Variants in PTPRD observed in about 807,000 individuals in gnomAD.
The protein encoded by PTPRD is protein tyrosine phosphatase receptor type D.
A neutral mutation model predicts 214.5 loss-of-function variants in PTPRD; 34 were observed. That is an observed-to-expected ratio of 0.16 (90% CI 0.12 to 0.21). The LOEUF (loss-of-function observed/expected upper bound fraction) is 0.21, where lower values mean the gene tolerates loss of function less well. Ranked by LOEUF, PTPRD falls within the 10% of genes least tolerant of loss-of-function variation. The probability of loss-of-function intolerance (pLI) is 1.00; values close to 1 mark genes in which losing one functional copy is unlikely to be tolerated. For synonymous variants in PTPRD, 1,128 were observed against 845.7 expected, an observed-to-expected ratio of 1.33 and a Z score of -5.79; for missense variants, 2,545 against 2,398.7, an observed-to-expected ratio of 1.06 and a Z score of -1.27.
intron 3 of PTPRD, among the ~76,000 whole-genome samples, chr9:10,126,921 C>T (rs1325647547): frequency 6.7e-6 from 1 of 149,508 alleles, no homozygotes; most frequent in Non-Finnish European, 1.5e-5. Context: ...TCCCAGAATG[C>T]CTTAGACTCT....
rs536936783 is a variant in PTPRD, at chr9:8,486,334, C to A, written c.2483G>T (p.Arg828Leu). The change falls in exon 28 of 46, where the codon CGG becomes CTG. Residue 828 changes from arginine (R) to leucine (L), a missense_variant. Physicochemically the swap from Arg to Leu is moderately radical, Grantham distance 102. Transcript: ENST00000381196. ...STTGAVPGKP[R>L]LVINHTQMNT... ...CATCTGAGTGTGGTTAATCACAAGC[C>A]GAGGTTTCCCTGGAACTGGAGCACA... 1 of 1,613,964 alleles carries A rather than the reference C, an allele frequency of 6.2e-7. No homozygotes were observed. Among genetic ancestry groups the A allele is most frequent in the Non-Finnish European group, 8.5e-7 (1 of 1,179,924 alleles).
chr9:8,335,185 G>C (rs1845384259), intron 43 of PTPRD, among the ~76,000 whole-genome samples: 4 of 151,762 alleles, frequency 2.6e-5, no homozygotes, highest in African/African-American at 4.8e-5. Context: ...ACCTGGCAGA[G>C]ACACAACAAA....
At chr9:10,154,756 G>A (rs958053041) in intron 3 of PTPRD, among the ~76,000 whole-genome samples, 1 of 117,172 alleles carries the variant, frequency 8.5e-6, no homozygotes, top group Non-Finnish European at 1.6e-5. Flanking sequence ...TCAGATGGCT[G>A]TAGCAGGGTG....
rs532536764 is a variant in PTPRD, at chr9:9,256,180, A to G, written c.-202-72817T>C. Among the ~76,000 whole-genome samples the G allele has an allele frequency of 3.4e-4, 52 of 152,090 alleles. 1 individual carries two copies. The South Asian group carries it at 0.011, about 32-fold the overall frequency. ...AATGACAGAGCCAAGACTAAATCCA[A>G]TTCCTTTTCTCCTTGGACCACAAAG... On this transcript the variant is annotated intron_variant, in intron 9 of 45. Coordinates refer to ENST00000381196, the MANE Select transcript of PTPRD (RefSeq NM_002839.4).
chr9:10,176,266 G>T (rs2099248131), intron 3 of PTPRD, among the ~76,000 whole-genome samples: 1 of 151,128 alleles, frequency 6.6e-6, no homozygotes, highest in African/African-American at 2.4e-5. Flanking sequence ...TTCAACTCAA[G>T]GTTTTTAATG....
intron 35 of PTPRD, among the ~76,000 whole-genome samples, chr9:8,411,920 A>G (rs1461396639): frequency 2.0e-5 from 3 of 152,240 alleles, no homozygotes; most frequent in African/African-American, 7.2e-5. Flanking sequence ...AGAATTTCTG[A>G]TGTTATTTGA....
chr9:10,375,942 CTTTCT>C (rs1418603955), intron 2 of PTPRD, among the ~76,000 whole-genome samples: 1 of 151,898 alleles, frequency 6.6e-6, no homozygotes, highest in African/African-American at 2.4e-5. Context: ...TATTAACTAG[CTTTCT>C]TTTAAGTCTC....
intron 4 of PTPRD, among the ~76,000 whole-genome samples, chr9:9,947,551 T>A (rs1318711697): frequency 5.8e-5 from 2 of 34,380 alleles, no homozygotes; most frequent in African/African-American, 1.5e-4. Flanking sequence ...AATATATATA[T>A]TATATATATA....
intron 9 of PTPRD, among the ~76,000 whole-genome samples, chr9:9,381,843 T>G (rs1290753294): frequency 6.6e-6 from 1 of 152,010 alleles, no homozygotes; most frequent in Non-Finnish European, 1.5e-5. Context: ...CCAAGATTGC[T>G]TTGGCTATTT....
At chr9:9,022,567 G>T (rs2099573536) in intron 10 of PTPRD, among the ~76,000 whole-genome samples, 1 of 152,132 alleles carries the variant, frequency 6.6e-6, no homozygotes, top group Admixed American at 6.6e-5. Flanking sequence ...GTTTGTAGTA[G>T]GTTGAGCCAT....
At chr9:9,430,264 A>G in intron 8 of PTPRD, among the ~76,000 whole-genome samples, 1 of 152,110 alleles carries the variant, frequency 6.6e-6, no homozygotes, top group Non-Finnish European at 1.5e-5. Context: ...AATAACAGAC[A>G]AACAGAGAGC....
At chr9:8,806,962 G>A (rs1468496450) in intron 11 of PTPRD, among the ~76,000 whole-genome samples, 1 of 152,160 alleles carries the variant, frequency 6.6e-6, no homozygotes, top group Non-Finnish European at 1.5e-5. Context: ...AATGTAGGAA[G>A]ACCCATGAAT....
At chr9:8,548,656 T>G (rs867366503) in intron 14 of PTPRD, among the ~76,000 whole-genome samples, 22 of 143,110 alleles carry the variant, frequency 1.5e-4, no homozygotes, top group Middle Eastern at 4.1e-3. Flanking sequence ...GTGTAAGCCA[T>G]TGCACCCAGC....
chr9:9,406,122 A>T (rs1233132215), intron 8 of PTPRD, among the ~76,000 whole-genome samples: 1 of 152,014 alleles, frequency 6.6e-6, no homozygotes. Flanking sequence ...GAATAGCTAA[A>T]ATAGGATTTT....
intron 9 of PTPRD, among the ~76,000 whole-genome samples, chr9:9,388,986 A>C (rs1441913270): frequency 1.3e-5 from 2 of 152,150 alleles, no homozygotes; most frequent in African/African-American, 4.8e-5. Context: ...ATATATATGC[A>C]TATATTTCAG....
At chr9:8,497,789 C>CA (rs1041384688) in intron 25 of PTPRD, among the ~76,000 whole-genome samples, 4 of 152,048 alleles carry the variant, frequency 2.6e-5, no homozygotes, top group African/African-American at 9.7e-5. Context: ...GAAAAAAAGA[C>CA]AGAGTTCACA....
chr9:8,565,629 AG>A (rs2088694451), intron 14 of PTPRD, among the ~76,000 whole-genome samples: 1 of 152,210 alleles, frequency 6.6e-6, no homozygotes, highest in Non-Finnish European at 1.5e-5. Flanking sequence ...TATATGAAAA[AG>A]AGCACATCTA....
At chr9:9,337,751 G>C (rs1040848677) in intron 9 of PTPRD, among the ~76,000 whole-genome samples, 3 of 152,160 alleles carry the variant, frequency 2.0e-5, no homozygotes, top group Admixed American at 6.6e-5. Context: ...GCTGGACAAT[G>C]ACCCTTTTCA....
At chr9:9,734,469 G>A (rs960641117) in intron 7 of PTPRD, 64 bp downstream of exon 7, 1 of 151,596 alleles carries the variant, frequency 6.6e-6, no homozygotes, top group Non-Finnish European at 1.5e-5. Context: ...ATACTCCAAG[G>A]AATAGTGACA....
Sources: gnomAD v4.1 joint callset for allele counts (sites outside exome capture counted in the v4.1 genomes callset) on GRCh38, gnomAD v4.1.1 for gene constraint, MANE v1.5 for transcripts, NCBI Gene and HGNC (gene_info 2026-07-23, HGNC 2026-07-21) for gene names.